Variants in LINGO2 observed in about 807,000 individuals in gnomAD.
The protein encoded by LINGO2 is leucine rich repeat and Ig domain containing 2, also known as leucine-rich repeat and immunoglobulin-like domain-containing nogo receptor-interacting protein 2.
In LINGO2, 14 loss-of-function variants were observed where a neutral mutation model predicts 30.6. The observed-to-expected ratio is 0.46, with a 90% CI of 0.30 to 0.72. The LOEUF is 0.72. Among genes scored for constraint, LINGO2 ranks in the 30% least tolerant of loss-of-function variants. The pLI is 0.07. For missense variants in LINGO2, 729 were observed against 751.7 expected (o/e 0.97, Z 0.35); for synonymous variants, 317 against 288.5 (o/e 1.10, Z -1.00).
rs201030143 is a variant in LINGO2 at position 28,246,798 on chromosome 9, T to C, written c.-87+48410A>G. 2.0e-5 allele frequency among the ~76,000 whole-genome samples: 3 copies of C among 152,094 alleles called. No homozygotes were observed. The East Asian group carries it at 5.8e-4, about 29-fold the overall frequency. ...AGCTTCTGCACAGCAAAAGAAACTA[T>C]CGTTAGATTGAACAGGCATCCTACA... On this transcript the variant is annotated intron_variant, in intron 4 of 5. Transcript: ENST00000379992.
At chr9:28,764,242 G>C in the LINGO2 span, among the ~76,000 whole-genome samples, 1 of 151,436 alleles carries the variant, frequency 6.6e-6, no homozygotes, top group Non-Finnish European at 1.5e-5. Context: ...AATAAAAATA[G>C]ATGAAAAAAT....
At chr9:29,021,918 G>A in the LINGO2 span, among the ~76,000 whole-genome samples, 24 of 151,904 alleles carry the variant, frequency 1.6e-4, no homozygotes, top group Admixed American at 1.6e-3. Context: ...ACATAACTTG[G>A]TCAGAATAAA....
intron 1 of LINGO2, among the ~76,000 whole-genome samples, chr9:28,477,918 T>C (rs1825792144): frequency 1.3e-5 from 2 of 152,150 alleles, no homozygotes; most frequent in African/African-American, 4.8e-5. Flanking sequence ...TATAGTTCTT[T>C]TCCATTTTTC....
rs547574383 is a variant in LINGO2, at chr9:28,523,981, GA to G, written c.-364-47957del. 7.8e-4 allele frequency among the ~76,000 whole-genome samples: 117 copies of G among 150,846 alleles called. 2 individuals are homozygous for G. Among genetic ancestry groups the G allele is most frequent in the Admixed American group, 6.9e-3 (105 of 15,148 alleles). On this transcript the variant is annotated intron_variant, in intron 1 of 5. Coordinates refer to ENST00000379992, the Ensembl canonical transcript of LINGO2. Reference sequence around the variant, plus strand: ...GATTCAGAACACCAAAAACAATCTTGAAAATAAAAGATAAAAATCAGTGAAC... The same window carrying G: ...GATTCAGAACACCAAAAACAATCTTGAAATAAAAGATAAAAATCAGTGAAC...
At chr9:28,482,610 C>T (rs576403835) in intron 1 of LINGO2, among the ~76,000 whole-genome samples, 131 of 152,196 alleles carry the variant, frequency 8.6e-4, no homozygotes, top group African/African-American at 3.0e-3. Context: ...TTTTGCTGTG[C>T]AGAAGCTCTT....
the LINGO2 span, among the ~76,000 whole-genome samples, chr9:29,117,754 G>A: frequency 2.0e-5 from 3 of 152,148 alleles, no homozygotes; most frequent in Admixed American, 6.5e-5. Context: ...ATCTAATACC[G>A]TGTTCAGTAA....
At chr9:29,028,807 G>T in the LINGO2 span, among the ~76,000 whole-genome samples, 1 of 152,132 alleles carries the variant, frequency 6.6e-6, no homozygotes, top group African/African-American at 2.4e-5. Flanking sequence ...AGGCAACCCA[G>T]ACTCCAGCAA....
At chr9:28,974,640 A>G in the LINGO2 span, among the ~76,000 whole-genome samples, 3 of 152,180 alleles carry the variant, frequency 2.0e-5, no homozygotes, top group Non-Finnish European at 4.4e-5. Flanking sequence ...CTTGACTTTC[A>G]TTTGAGAACA....
intron 4 of LINGO2, among the ~76,000 whole-genome samples, chr9:28,215,907 A>G (rs1587244410): frequency 6.6e-6 from 1 of 151,890 alleles, no homozygotes; most frequent in Non-Finnish European, 1.5e-5. Flanking sequence ...CCAGAGAAAG[A>G]ATAAAGAAGC....
At chr9:28,618,126 C>A (rs918793058) in intron 1 of LINGO2, among the ~76,000 whole-genome samples, 4 of 152,080 alleles carry the variant, frequency 2.6e-5, no homozygotes, top group Non-Finnish European at 5.9e-5. Flanking sequence ...GTCTTAAATT[C>A]TAGAGCAACC....
intron 1 of LINGO2, among the ~76,000 whole-genome samples, chr9:28,512,414 C>T (rs536543244): frequency 2.0e-5 from 3 of 151,712 alleles, no homozygotes; most frequent in African/African-American, 7.3e-5. Context: ...GCATCCCTAT[C>T]TGCCACTGAC....
At chr9:28,735,772 A>T in the LINGO2 span, among the ~76,000 whole-genome samples, 1 of 133,222 alleles carries the variant, frequency 7.5e-6, no homozygotes, top group Non-Finnish European at 1.7e-5. Flanking sequence ...CTCATTACTT[A>T]AAAAAAAAAA....
chr9:29,208,326 G>T, the LINGO2 span, among the ~76,000 whole-genome samples: 4 of 151,904 alleles, frequency 2.6e-5, no homozygotes, highest in Admixed American at 6.6e-5. Context: ...TTTCCTTGCC[G>T]CCTCTTTGTT....
At chr9:29,168,171 T>C in the LINGO2 span, among the ~76,000 whole-genome samples, 7 of 152,236 alleles carry the variant, frequency 4.6e-5, no homozygotes, top group Non-Finnish European at 7.4e-5. Flanking sequence ...AGCCAAATCA[T>C]GTAATTTTTT....
the LINGO2 span, among the ~76,000 whole-genome samples, chr9:28,724,569 C>T: frequency 1.3e-5 from 2 of 152,232 alleles, no homozygotes; most frequent in Non-Finnish European, 2.9e-5. Flanking sequence ...CAGATAACTC[C>T]ATCACGGATG....
the LINGO2 span, among the ~76,000 whole-genome samples, chr9:29,127,877 T>A: frequency 6.6e-6 from 1 of 152,162 alleles, no homozygotes; most frequent in Non-Finnish European, 1.5e-5. Flanking sequence ...CCTCTTTTCT[T>A]ATGCTAAATT....
chr9:27,970,517 A>C (rs1418654806), intron 5 of LINGO2, among the ~76,000 whole-genome samples: 1 of 152,156 alleles, frequency 6.6e-6, no homozygotes, highest in African/African-American at 2.4e-5. Context: ...GGGCATTGTC[A>C]TGTTTACAGC....
At chr9:28,233,061 T>TATATATAAAA (rs60875467) in intron 4 of LINGO2, among the ~76,000 whole-genome samples, 1 of 118,830 alleles carries the variant, frequency 8.4e-6, no homozygotes, top group African/African-American at 3.6e-5. Context: ...TATATATATA[T>TATATATAAAA]TAGATATATA....
intron 4 of LINGO2, among the ~76,000 whole-genome samples, chr9:28,043,069 C>A (rs1321818893): frequency 6.6e-6 from 1 of 152,152 alleles, no homozygotes; most frequent in Non-Finnish European, 1.5e-5. Context: ...AATTGGGGCA[C>A]CCTGCCTGGG....
Sources: gnomAD v4.1 joint callset for allele counts (sites outside exome capture counted in the v4.1 genomes callset) on GRCh38, gnomAD v4.1.1 for gene constraint, MANE v1.5 for transcripts, NCBI Gene and HGNC (gene_info 2026-07-23, HGNC 2026-07-21) for gene names.